LMNTD1: variants seen among roughly 807,000 people sequenced by gnomAD.
LMNTD1 encodes lamin tail domain-containing protein 1.
In LMNTD1, 35 loss-of-function variants were observed where a neutral mutation model predicts 50.9. That is an observed-to-expected ratio of 0.69 (90% CI 0.53 to 0.91). LMNTD1 has a LOEUF of 0.91. Ranked by LOEUF, LMNTD1 falls within the 40% of genes least tolerant of loss-of-function variation. The pLI is 0.00. For missense variants in LMNTD1, 470 were observed against 475.5 expected (o/e 0.99, Z 0.11); for synonymous variants, 153 against 161.9 (o/e 0.94, Z 0.42).
At chr12:25,495,558 T>C (rs1939033224) in intron 9 of LMNTD1, among the ~76,000 whole-genome samples, 1 of 152,166 alleles carries the variant, frequency 6.6e-6, no homozygotes, top group Admixed American at 6.5e-5. Context: ...CATTGCTATC[T>C]AAGGCTGTTG....
chr12:25,539,334 C>T (rs1368287292), intron 4 of LMNTD1, among the ~76,000 whole-genome samples: 2 of 152,054 alleles, frequency 1.3e-5, no homozygotes, highest in Non-Finnish European at 2.9e-5. Flanking sequence ...GTAAAGCTCT[C>T]CTCAGGAAAT....
intron 1 of LMNTD1, among the ~76,000 whole-genome samples, chr12:25,602,363 G>A (rs925238920): frequency 6.6e-6 from 1 of 151,920 alleles, no homozygotes; most frequent in Non-Finnish European, 1.5e-5. Context: ...GACCCACATT[G>A]TATTGACTTT....
intron 1 of LMNTD1, among the ~76,000 whole-genome samples, chr12:25,574,890 G>T (rs1944941059): frequency 6.6e-6 from 1 of 152,142 alleles, no homozygotes; most frequent in African/African-American, 2.4e-5. Flanking sequence ...ACATCTTGAT[G>T]AAATTACAAA....
chr12:25,635,717 A>T (rs969165603), intron 1 of LMNTD1, among the ~76,000 whole-genome samples: 1 of 152,208 alleles, frequency 6.6e-6, no homozygotes, highest in East Asian at 1.9e-4. Context: ...GAAGCATCAC[A>T]CTACCTGATT....
intron 1 of LMNTD1, among the ~76,000 whole-genome samples, chr12:25,583,379 G>A (rs1384261438): frequency 6.6e-6 from 1 of 151,946 alleles, no homozygotes; most frequent in African/African-American, 2.4e-5. Context: ...ATGTTGCCCA[G>A]GCTGGTCTTG....
intron 1 of LMNTD1, among the ~76,000 whole-genome samples, chr12:25,623,947 A>T (rs1433221709): frequency 6.6e-6 from 1 of 152,120 alleles, no homozygotes; most frequent in African/African-American, 2.4e-5. Flanking sequence ...GGCAGAATTC[A>T]GCTTCCCTGG....
At chr12:25,509,778 A>C (rs145367206) in intron 8 of LMNTD1, among the ~76,000 whole-genome samples, 20 of 152,360 alleles carry the variant, frequency 1.3e-4, no homozygotes, top group African/African-American at 4.6e-4. Context: ...AGTTAAGGCC[A>C]TATGAAGACA....
intron 8 of LMNTD1, among the ~76,000 whole-genome samples, chr12:25,513,478 A>G (rs1940480636): frequency 6.6e-6 from 1 of 152,220 alleles, no homozygotes; most frequent in Non-Finnish European, 1.5e-5. Flanking sequence ...TGTACTAAAA[A>G]TACAAAAATT....
intron 8 of LMNTD1, among the ~76,000 whole-genome samples, chr12:25,508,445 T>C (rs886477008): frequency 1.3e-5 from 2 of 152,210 alleles, no homozygotes; most frequent in African/African-American, 4.8e-5. Flanking sequence ...ACTGATATTA[T>C]TGCATGTAGC....
intron 1 of LMNTD1, among the ~76,000 whole-genome samples, chr12:25,619,217 A>ACTCTCTCTCTCT (rs143233739): frequency 2.6e-4 from 31 of 120,120 alleles, no homozygotes; most frequent in Admixed American, 1.3e-3. Flanking sequence ...ATGCTTTTCA[A>ACTCTCTCTCTCT]CTCTCTCTCT....
chr12:25,566,512 T>G (rs1284253983), intron 1 of LMNTD1, among the ~76,000 whole-genome samples: 1 of 152,250 alleles, frequency 6.6e-6, no homozygotes, highest in Non-Finnish European at 1.5e-5. Context: ...GTAGTTCTAC[T>G]TTAGTTCTTT....
chr12:25,586,612 C>A (rs988518962), intron 1 of LMNTD1, among the ~76,000 whole-genome samples: 5 of 152,102 alleles, frequency 3.3e-5, no homozygotes, highest in African/African-American at 4.8e-5. Flanking sequence ...CTCAGAAAGA[C>A]CATTGGCAGG....
chr12:25,616,927 C>T (rs1166496879), intron 1 of LMNTD1, among the ~76,000 whole-genome samples: 1 of 152,022 alleles, frequency 6.6e-6, no homozygotes, highest in Non-Finnish European at 1.5e-5. Flanking sequence ...GTGATAGTTA[C>T]ATAAACATGG....
rs144905080 is a variant in LMNTD1, at chr12:25,552,991, T to G, written c.-30-2A>C. 2.5e-4 allele frequency: 408 copies of G among 1,610,494 alleles called. 1 individual carries two copies. The African/African-American group carries it at 5.1e-3, about 20-fold the overall frequency. The stretch of plus-strand genomic sequence containing the variant: ...TAGAAAAGAAGTCTCTTTTCTTTCC[T>G]AGGAAAGCAGATCATGACATCAGAT... On this transcript the variant is annotated splice_acceptor_variant, in intron 1 of 9. Transcript: ENST00000458174. LOFTEE classifies it low-confidence loss of function (5UTR_SPLICE).
intron 1 of LMNTD1, 23 bp from the exon 2 acceptor site, chr12:25,553,012 C>T: frequency 6.2e-7 from 1 of 1,605,630 alleles, no homozygotes; most frequent in Non-Finnish European, 8.5e-7. Flanking sequence ...ATCATGACAT[C>T]AGATGACGAA....
intron 1 of LMNTD1, among the ~76,000 whole-genome samples, chr12:25,637,134 T>C (rs1592127978): frequency 6.6e-6 from 1 of 152,008 alleles, no homozygotes; most frequent in East Asian, 1.9e-4. Context: ...CAATAACTAA[T>C]GTAAATAAAT....
chr12:25,489,878 T>A (rs1428808820), intron 9 of LMNTD1, among the ~76,000 whole-genome samples: 1 of 152,228 alleles, frequency 6.6e-6, no homozygotes, highest in East Asian at 1.9e-4. Flanking sequence ...GTTGTGGCTA[T>A]AAATTTATTG....
At chr12:25,524,157 G>T (rs1250820592) in intron 6 of LMNTD1, among the ~76,000 whole-genome samples, 1 of 152,138 alleles carries the variant, frequency 6.6e-6, no homozygotes, top group Admixed American at 6.5e-5. Context: ...CCTTTACAGA[G>T]TTGATATTTC....
chr12:25,512,583 T>C lies in LMNTD1; in HGVS notation c.1189+6212A>G, dbSNP rs569615452. 2.6e-5 allele frequency among the ~76,000 whole-genome samples: 4 copies of C among 152,292 alleles called. No homozygotes were observed. In the South Asian group the frequency reaches 8.3e-4, roughly 32 times the overall value. ...CTCCATCACTTACTAAATTCTTATT[T>C]GTGAAGTCGAAATAATAGTGGAATT... On this transcript the variant is annotated intron_variant, in intron 8 of 9. Coordinates refer to ENST00000458174, the MANE Select transcript of LMNTD1 (RefSeq NM_001145728.2).
Sources: gnomAD v4.1 joint callset for allele counts (sites outside exome capture counted in the v4.1 genomes callset) on GRCh38, gnomAD v4.1.1 for gene constraint, MANE v1.5 for transcripts, NCBI Gene and HGNC (gene_info 2026-07-23, HGNC 2026-07-21) for gene names.